AFF1: variants seen among roughly 807,000 people sequenced by gnomAD.
The protein encoded by AFF1 is AF4/FMR2 family member 1.
In AFF1, 48 loss-of-function variants were observed where a neutral mutation model predicts 121.7. The ratio of observed to expected loss-of-function variants is 0.39; its 90% CI spans 0.31 to 0.50. AFF1 has a LOEUF of 0.50. Ranked by LOEUF, AFF1 falls within the 20% of genes least tolerant of loss-of-function variation. The pLI, the probability that AFF1 is intolerant of heterozygous loss-of-function variation, is 0.76. For missense variants in AFF1, 1,523 were observed against 1,511.7 expected (o/e 1.01, Z -0.12); for synonymous variants, 613 against 563.0 (o/e 1.09, Z -1.26).
intron 4 of AFF1, among the ~76,000 whole-genome samples, chr4:87,070,192 C>T (rs546743059): frequency 4.7e-4 from 72 of 152,138 alleles, no homozygotes; most frequent in Middle Eastern, 3.2e-3. Context: ...TTAGTAGAAA[C>T]GGGGTTTCAC....
At chr4:87,070,382 C>T (rs1721908233) in intron 4 of AFF1, among the ~76,000 whole-genome samples, 1 of 152,252 alleles carries the variant, frequency 6.6e-6, no homozygotes, top group Non-Finnish European at 1.5e-5. Flanking sequence ...TGTGATCCAC[C>T]TGCCTCGGCC....
chr4:87,003,384 C>T (rs1247293449), intron 2 of AFF1, among the ~76,000 whole-genome samples: 1 of 152,164 alleles, frequency 6.6e-6, no homozygotes, highest in African/African-American at 2.4e-5. Flanking sequence ...TTGCCTCAGC[C>T]TCCCAAGTAG....
chr4:86,942,306 C>T (rs1472058433), intron 1 of AFF1, among the ~76,000 whole-genome samples: 3 of 152,224 alleles, frequency 2.0e-5, no homozygotes, highest in African/African-American at 4.8e-5. Flanking sequence ...CTACCAATAT[C>T]CATGTGCTTT....
At chr4:87,039,145 C>A (rs912345347) in intron 2 of AFF1, among the ~76,000 whole-genome samples, 1 of 152,182 alleles carries the variant, frequency 6.6e-6, no homozygotes. Flanking sequence ...CAACTTGGGC[C>A]TTTCTGTTAC....
intron 2 of AFF1, among the ~76,000 whole-genome samples, chr4:86,961,023 A>G (rs138263093): frequency 0.015 from 2,322 of 152,312 alleles, 31 homozygotes; most frequent in Non-Finnish European, 0.024. Context: ...GCATCCCTGG[A>G]TGGTTGACAG....
intron 2 of AFF1, among the ~76,000 whole-genome samples, chr4:86,983,693 A>G (rs140768857): frequency 0.031 from 4,693 of 151,530 alleles, 218 homozygotes; most frequent in African/African-American, 0.11. Context: ...TGGGTGACAG[A>G]GCAAGACTCT....
chr4:86,944,402 T>C (rs1031207702), intron 1 of AFF1, among the ~76,000 whole-genome samples: 2 of 151,952 alleles, frequency 1.3e-5, no homozygotes, highest in Admixed American at 6.5e-5. Context: ...AGTCTTGTTC[T>C]GTCGCCCATG....
At chr4:87,017,062 CATAT>C (rs35857395) in intron 2 of AFF1, among the ~76,000 whole-genome samples, 16 of 145,894 alleles carry the variant, frequency 1.1e-4, no homozygotes, top group South Asian at 8.6e-4. Context: ...AGACTTTGGA[CATAT>C]ATATATGTGT....
chr4:87,000,602 A>AGTGTGT (rs1725616566), intron 2 of AFF1, among the ~76,000 whole-genome samples: 2 of 86,802 alleles, frequency 2.3e-5, no homozygotes, highest in Admixed American at 1.2e-4. Flanking sequence ...TAAAAAATAA[A>AGTGTGT]CTCTGTGTGT....
At chr4:87,105,720 T>G in intron 9 of AFF1, 38 bp downstream of exon 9, 1 of 1,613,912 alleles carries the variant, frequency 6.2e-7, no homozygotes, top group East Asian at 2.2e-5. Context: ...GGAGTCCTTT[T>G]AAATACATCT....
chr4:87,087,400 G>A (rs375973016), intron 5 of AFF1, among the ~76,000 whole-genome samples: 3 of 152,228 alleles, frequency 2.0e-5, no homozygotes, highest in Non-Finnish European at 4.4e-5. Context: ...GAAAATCCTC[G>A]AGGTGGTATC....
rs756016934 is a variant in AFF1 at position 87,125,187 on chromosome 4, A to G, written c.2573+44A>G. ...AACCACCTAATCTACGGTGATCAAC[A>G]CTTCTTGGGTCTTGACATAGCAAAG... On this transcript the variant is annotated intron_variant, in intron 13 of 20. Coordinates refer to ENST00000395146, the MANE Select transcript of AFF1 (RefSeq NM_001166693.3). 6.2e-6 allele frequency: 9 copies of G among 1,460,968 alleles called. No individual in the cohort carries two copies. The East Asian group carries it at 2.1e-4, about 34-fold the overall frequency. 90.5% of individuals were successfully genotyped at this position (1,460,968 alleles called of 1,614,324 possible). A position where few individuals can be genotyped will look rare whatever the true frequency, so the allele number is the denominator to read the frequency against.
intron 1 of AFF1, among the ~76,000 whole-genome samples, chr4:86,943,456 C>T (rs1720611835): frequency 3.9e-5 from 6 of 152,144 alleles, no homozygotes; most frequent in African/African-American, 7.2e-5. Context: ...GTATAGTTGA[C>T]GAGGGACTAA....
At chr4:87,089,882 C>T in intron 5 of AFF1, 102 bp from the exon 6 acceptor site, 5 of 797,074 alleles carry the variant, frequency 6.3e-6, no homozygotes, top group South Asian at 3.5e-5. Flanking sequence ...TTGTACTTGC[C>T]ATTTATGATC....
chr4:86,950,605 A>G (rs987149355), intron 2 of AFF1, among the ~76,000 whole-genome samples: 4 of 152,224 alleles, frequency 2.6e-5, no homozygotes, highest in African/African-American at 9.6e-5. Flanking sequence ...GGTGCCTGCA[A>G]TTGTGGACCA....
intron 1 of AFF1, among the ~76,000 whole-genome samples, chr4:86,939,869 C>T (rs141601838): frequency 1.3e-5 from 2 of 152,284 alleles, no homozygotes; most frequent in African/African-American, 4.8e-5. Flanking sequence ...ATGTTTGTGG[C>T]TGATATTGAT....
At position 87,024,026 on chromosome 4, in the gene AFF1, T is replaced by C. The variant is rs150888463; in HGVS notation, c.39-22140T>C. Among the ~76,000 whole-genome samples the C allele has an allele frequency of 2.3e-3, 348 of 152,334 alleles. 1 individual carries two copies. Among genetic ancestry groups the C allele is most frequent in the African/African-American group, 8.1e-3 (335 of 41,574 alleles). ...ATAGCAGTCTTTTATTAAGCAATTA[T>C]TTATTGAGCATTCTGTTATGTTCTG... On this transcript the variant is annotated intron_variant, in intron 2 of 20. Coordinates refer to ENST00000395146, the MANE Select transcript of AFF1 (RefSeq NM_001166693.3).
At chr4:87,110,461 GTTTT>G (rs1726368590) in intron 11 of AFF1, among the ~76,000 whole-genome samples, 2 of 143,260 alleles carry the variant, frequency 1.4e-5, no homozygotes, top group African/African-American at 2.5e-5. Flanking sequence ...GTTTTGTTTT[GTTTT>G]GTTTTGTTTT....
Position 87,139,994 on chromosome 4 carries a change from C to T in AFF1, c.*4293C>T, listed in dbSNP as rs1367536429. 1 of 207,736 alleles carries T rather than the reference C, an allele frequency of 4.8e-6. No individual in the cohort carries two copies. The highest frequency in any genetic ancestry group is 7.2e-5 in the East Asian group (1 of 13,822). 12.9% of individuals were successfully genotyped at this position (207,736 alleles called of 1,614,324 possible). A position where few individuals can be genotyped will look rare whatever the true frequency, so the allele number is the denominator to read the frequency against. On this transcript the variant is annotated 3_prime_UTR_variant, in exon 21 of 21. Transcript: ENST00000395146. ...GAGGAAATGACATTATATTCTGTTC[C>T]ACTGAACGTCAGAGATCAGCAGGCA...
Sources: allele counts gnomAD v4.1 joint callset (sites outside exome capture counted in the v4.1 genomes callset), GRCh38; gene constraint gnomAD v4.1.1; transcripts MANE v1.5; gene names NCBI Gene and HGNC (gene_info 2026-07-23, HGNC 2026-07-21).